Variants in PPFIA2 observed in about 807,000 individuals in gnomAD.
PPFIA2 encodes the protein PPFI scaffold protein A2, also known as liprin-alpha-2.
In PPFIA2, 46 loss-of-function variants were observed where a neutral mutation model predicts 175.5. That is an observed-to-expected ratio of 0.26 (90% CI 0.21 to 0.34). PPFIA2 has a LOEUF of 0.34. Among genes scored for constraint, PPFIA2 ranks in the 10% least tolerant of loss-of-function variants. PPFIA2 has a pLI of 1.00. For synonymous variants in PPFIA2, 568 were observed against 511.4 expected (o/e 1.11, Z -1.49); for missense variants, 1,179 against 1,506.1 (o/e 0.78, Z 3.60).
chr12:81,330,678 C>T (rs1921037), intron 21 of PPFIA2, among the ~76,000 whole-genome samples: 53,435 of 152,044 alleles, frequency 0.35, 10,157 homozygotes, highest in East Asian at 0.51. Context: ...ATTTGTCCAG[C>T]AGAGGTCTCT....
intron 4 of PPFIA2, among the ~76,000 whole-genome samples, chr12:81,548,476 G>A (rs1466904981): frequency 6.6e-6 from 1 of 152,064 alleles, no homozygotes; most frequent in Non-Finnish European, 1.5e-5. Context: ...AATAAAGTTT[G>A]ATATATTCAA....
At chr12:81,647,069 G>C (rs939848740) in intron 4 of PPFIA2, among the ~76,000 whole-genome samples, 1 of 151,798 alleles carries the variant, frequency 6.6e-6, no homozygotes, top group African/African-American at 2.4e-5. Context: ...AAAAAAAGGG[G>C]GGGGGAGCGT....
chr12:81,277,153 C>T (rs1203580081), intron 28 of PPFIA2, among the ~76,000 whole-genome samples, 164 bp downstream of exon 28: 1 of 151,970 alleles, frequency 6.6e-6, no homozygotes, highest in Non-Finnish European at 1.5e-5. Context: ...ATACCTGTTT[C>T]TGTATTTTAA....
At chr12:81,552,020 T>C (rs1319690644) in intron 4 of PPFIA2, among the ~76,000 whole-genome samples, 1 of 151,720 alleles carries the variant, frequency 6.6e-6, no homozygotes, top group Non-Finnish European at 1.5e-5. Context: ...GTATAACCAA[T>C]TTAAAGAACT....
chr12:81,583,756 A>T (rs1196143696), intron 4 of PPFIA2, among the ~76,000 whole-genome samples: 2 of 151,868 alleles, frequency 1.3e-5, no homozygotes, highest in Non-Finnish European at 2.9e-5. Context: ...CTGGAGGCCT[A>T]GGGTCCACAG....
At chr12:81,371,925 AC>A (rs761803160) in intron 11 of PPFIA2, among the ~76,000 whole-genome samples, 4,393 of 151,370 alleles carry the variant, frequency 0.029, 190 homozygotes, top group Admixed American at 0.12. Flanking sequence ...ACACACACAC[AC>A]AAACACACAC....
Position 81,555,295 on chromosome 12 carries a change from T to C in PPFIA2, c.304-97429A>G, listed in dbSNP as rs570560511. 2.2e-4 allele frequency among the ~76,000 whole-genome samples: 33 copies of C among 152,112 alleles called. No homozygotes were observed. The South Asian group carries it at 3.3e-3, about 15-fold the overall frequency. ...TCATATAAAGTAATATTGATTTAGA[T>C]ATCTAAGTCCATGATTTCAAAATGG... On this transcript the variant is annotated intron_variant, in intron 4 of 32. Transcript: ENST00000549396.
chr12:81,532,967 A>T (rs1331512053), intron 4 of PPFIA2, among the ~76,000 whole-genome samples: 3 of 150,846 alleles, frequency 2.0e-5, no homozygotes, highest in African/African-American at 7.3e-5. Flanking sequence ...ATATCATTTA[A>T]TTTTTTTTTG....
chr12:81,630,895 ATATAT>A (rs202160850), intron 4 of PPFIA2, among the ~76,000 whole-genome samples: 1,585 of 78,594 alleles, frequency 0.02, 36 homozygotes, highest in South Asian at 0.054. Context: ...ATATATATAT[ATATAT>A]TTTTTTTTTT....
intron 3 of PPFIA2, among the ~76,000 whole-genome samples, chr12:81,742,627 G>C (rs1022616184): frequency 2.0e-5 from 3 of 152,172 alleles, no homozygotes; most frequent in Non-Finnish European, 4.4e-5. Flanking sequence ...GTCTGGAGAA[G>C]AGGTGAAAAT....
At chr12:81,625,716 TATTG>T (rs1428871332) in intron 4 of PPFIA2, among the ~76,000 whole-genome samples, 1 of 151,446 alleles carries the variant, frequency 6.6e-6, no homozygotes, top group Non-Finnish European at 1.5e-5. Context: ...TAAAATAAAA[TATTG>T]ATTGATTTCA....
intron 3 of PPFIA2, among the ~76,000 whole-genome samples, chr12:81,702,048 G>A (rs2076553787): frequency 6.6e-6 from 1 of 152,042 alleles, no homozygotes; most frequent in African/African-American, 2.4e-5. Flanking sequence ...AATGTGGGAT[G>A]TAAGCTGGCA....
At chr12:81,476,372 T>C (rs772203334) in intron 4 of PPFIA2, among the ~76,000 whole-genome samples, 2 of 152,226 alleles carry the variant, frequency 1.3e-5, no homozygotes, top group African/African-American at 2.4e-5. Flanking sequence ...TTTATAGATG[T>C]TAAGCTCCAA....
intron 4 of PPFIA2, among the ~76,000 whole-genome samples, chr12:81,558,589 G>A (rs2069305209): frequency 6.6e-6 from 1 of 152,176 alleles, no homozygotes. Context: ...TCACAGAGCT[G>A]TAGAACAATG....
intron 4 of PPFIA2, among the ~76,000 whole-genome samples, chr12:81,482,007 AT>A (rs1172603596): frequency 2.6e-5 from 4 of 152,232 alleles, no homozygotes; most frequent in Non-Finnish European, 5.9e-5. Flanking sequence ...CAAAGGGCTA[AT>A]ATCCAGAATC....
chr12:81,316,031 A>G (rs2052268056), intron 22 of PPFIA2, among the ~76,000 whole-genome samples: 1 of 151,656 alleles, frequency 6.6e-6, no homozygotes, highest in Non-Finnish European at 1.5e-5. Flanking sequence ...CCTCAAATTA[A>G]AATTTCAATT....
intron 4 of PPFIA2, among the ~76,000 whole-genome samples, chr12:81,620,405 G>T (rs571103933): frequency 8.6e-5 from 13 of 152,010 alleles, no homozygotes; most frequent in Non-Finnish European, 1.9e-4. Flanking sequence ...ATCCAGAAGG[G>T]ATGTTATAAT....
chr12:81,463,249 C>T (rs568408500), intron 4 of PPFIA2, among the ~76,000 whole-genome samples: 2 of 152,026 alleles, frequency 1.3e-5, no homozygotes, highest in South Asian at 2.1e-4. Context: ...CAATGTATAA[C>T]ACAGAGTATT....
At chr12:81,321,112 A>G (rs920684263) in intron 22 of PPFIA2, among the ~76,000 whole-genome samples, 1 of 151,974 alleles carries the variant, frequency 6.6e-6, no homozygotes, top group Non-Finnish European at 1.5e-5. Flanking sequence ...AAAGAATGGC[A>G]ATCAATTGAT....
Sources: allele counts gnomAD v4.1 joint callset (sites outside exome capture counted in the v4.1 genomes callset), GRCh38; gene constraint gnomAD v4.1.1; transcripts MANE v1.5; gene names NCBI Gene and HGNC (gene_info 2026-07-23, HGNC 2026-07-21).